UNC13C: variants seen among roughly 807,000 people sequenced by gnomAD.
The protein encoded by UNC13C is protein unc-13 homolog C.
In UNC13C, 174 loss-of-function variants were observed where a neutral mutation model predicts 245.4. The observed-to-expected ratio is 0.71, with a 90% confidence interval of 0.63 to 0.80. The LOEUF (loss-of-function observed/expected upper bound fraction) is 0.80, where lower values mean the gene tolerates loss of function less well. Ranked by LOEUF, UNC13C falls within the 30% of genes least tolerant of loss-of-function variation. The pLI is 0.00. For synonymous variants in UNC13C, 992 were observed against 895.1 expected (o/e 1.11, Z -1.93); for missense variants, 2,829 against 2,602.9 (o/e 1.09, Z -1.89).
chr15:54,374,641 C>T (rs774826799), intron 17 of UNC13C, among the ~76,000 whole-genome samples: 1 of 152,222 alleles, frequency 6.6e-6, no homozygotes, highest in Non-Finnish European at 1.5e-5. Flanking sequence ...GAAGGGAGGC[C>T]TTCTAGGGCC....
intron 19 of UNC13C, among the ~76,000 whole-genome samples, chr15:54,476,899 A>G (rs1372494235): frequency 6.6e-6 from 1 of 151,096 alleles, no homozygotes; most frequent in Non-Finnish European, 1.5e-5. Flanking sequence ...TACCTTGGGC[A>G]GTACGGCCAT....
chr15:54,275,906 T>C (rs1341456935), intron 10 of UNC13C, among the ~76,000 whole-genome samples: 1 of 152,076 alleles, frequency 6.6e-6, no homozygotes, highest in African/African-American at 2.4e-5. Context: ...TAGATATAAG[T>C]CGTGGTAAAT....
At chr15:54,265,560 A>G (rs1006118016) in intron 10 of UNC13C, 64 bp downstream of exon 10, 18 of 1,199,154 alleles carry the variant, frequency 1.5e-5, no homozygotes, top group Non-Finnish European at 1.8e-5. Flanking sequence ...TAAGACAGGC[A>G]TACAAAGGAT....
At chr15:54,253,809 CTTGA>C (rs2036213798) in intron 8 of UNC13C, among the ~76,000 whole-genome samples, 1 of 152,032 alleles carries the variant, frequency 6.6e-6, no homozygotes, top group Non-Finnish European at 1.5e-5. Context: ...AAATATTTTC[CTTGA>C]TTATGTTTTC....
the UNC13C span, among the ~76,000 whole-genome samples, chr15:53,861,969 G>A: frequency 6.6e-6 from 1 of 152,110 alleles, no homozygotes; most frequent in African/African-American, 2.4e-5. Flanking sequence ...GTATCATCAG[G>A]AGGCATTAAA....
intron 13 of UNC13C, among the ~76,000 whole-genome samples, chr15:54,300,668 A>G (rs2037555634): frequency 6.6e-6 from 1 of 152,126 alleles, no homozygotes; most frequent in African/African-American, 2.4e-5. Flanking sequence ...TCCCAGACCT[A>G]CTGAATCAGA....
At chr15:53,971,791 GGTAA>G in the UNC13C span, among the ~76,000 whole-genome samples, 1 of 152,048 alleles carries the variant, frequency 6.6e-6, no homozygotes, top group East Asian at 1.9e-4. Flanking sequence ...CATTTCCAGA[GGTAA>G]GTATCTCTTC....
intron 30 of UNC13C, among the ~76,000 whole-genome samples, chr15:54,601,822 A>G (rs1899445567): frequency 6.6e-6 from 1 of 152,164 alleles, no homozygotes; most frequent in Non-Finnish European, 1.5e-5. Context: ...ACTTAAGAAC[A>G]TGTTTCTCCT....
At chr15:54,339,640 G>GAGAT (rs2038679673) in intron 17 of UNC13C, among the ~76,000 whole-genome samples, 1 of 149,588 alleles carries the variant, frequency 6.7e-6, no homozygotes, top group African/African-American at 2.5e-5. Context: ...ATTATGTGGA[G>GAGAT]ATATATATAT....
chr15:54,610,592 C>T (rs1004772221), intron 30 of UNC13C, among the ~76,000 whole-genome samples: 1 of 152,122 alleles, frequency 6.6e-6, no homozygotes, highest in Non-Finnish European at 1.5e-5. Context: ...ATTTTAATAA[C>T]CACCAAAATA....
intron 19 of UNC13C, among the ~76,000 whole-genome samples, chr15:54,488,334 T>C (rs1052879538): frequency 1.2e-4 from 18 of 152,220 alleles, no homozygotes; most frequent in African/African-American, 3.9e-4. Flanking sequence ...TTATTTCATA[T>C]TGTTTCCAGA....
At chr15:54,615,914 G>C (rs1900404591) in intron 30 of UNC13C, among the ~76,000 whole-genome samples, 1 of 152,040 alleles carries the variant, frequency 6.6e-6, no homozygotes. Flanking sequence ...TTATTGAAAT[G>C]TGTTCAAAAT....
At chr15:54,421,345 T>A (rs2040639065) in intron 19 of UNC13C, among the ~76,000 whole-genome samples, 1 of 152,004 alleles carries the variant, frequency 6.6e-6, no homozygotes, top group South Asian at 2.1e-4. Context: ...AGCCTATACA[T>A]CAAAACTCTG....
intron 17 of UNC13C, among the ~76,000 whole-genome samples, chr15:54,340,888 T>C (rs1168682037): frequency 6.6e-6 from 1 of 152,156 alleles, no homozygotes; most frequent in East Asian, 1.9e-4. Flanking sequence ...GTATGGTCAT[T>C]TTCACAATAT....
chr15:54,463,734 C>T (rs1405452187), intron 19 of UNC13C, among the ~76,000 whole-genome samples: 1 of 152,130 alleles, frequency 6.6e-6, no homozygotes, highest in African/African-American at 2.4e-5. Context: ...TTCTTGAAAT[C>T]AGTTAGACCA....
At chr15:54,083,923 G>C (rs151071812) in intron 2 of UNC13C, among the ~76,000 whole-genome samples, 5 of 152,202 alleles carry the variant, frequency 3.3e-5, no homozygotes. Context: ...GAGTGGGATG[G>C]GGGAACCTCT....
chr15:54,169,546 A>C (rs2033307157), intron 4 of UNC13C, among the ~76,000 whole-genome samples: 1 of 152,166 alleles, frequency 6.6e-6, no homozygotes, highest in Non-Finnish European at 1.5e-5. Context: ...ATTGAAATTC[A>C]ATGTATTTAA....
At chr15:54,271,146 G>A (rs541891516) in intron 10 of UNC13C, among the ~76,000 whole-genome samples, 1 of 151,934 alleles carries the variant, frequency 6.6e-6, no homozygotes, top group Non-Finnish European at 1.5e-5. Flanking sequence ...TTTCAGAATG[G>A]GGCACTCTGG....
the UNC13C span, among the ~76,000 whole-genome samples, chr15:53,874,378 C>G: frequency 6.6e-6 from 1 of 152,114 alleles, no homozygotes; most frequent in African/African-American, 2.4e-5. Flanking sequence ...AGTTATGCAA[C>G]TTTTCCAAAG....
Sources: gnomAD v4.1 joint callset for allele counts (sites outside exome capture counted in the v4.1 genomes callset) on GRCh38, gnomAD v4.1.1 for gene constraint, MANE v1.5 for transcripts, NCBI Gene and HGNC (gene_info 2026-07-23, HGNC 2026-07-21) for gene names.